The following BBX variants were observed in gnomAD, a reference collection of about 807,000 sequenced individuals.
BBX encodes HMG box transcription factor BBX.
Under a neutral mutation model 100.2 loss-of-function variants are expected in BBX, and 30 were observed. The observed-to-expected ratio is 0.30, with a 90% CI of 0.22 to 0.41. BBX has a LOEUF of 0.41. Ranked by LOEUF, BBX falls within the 10% of genes least tolerant of loss-of-function variation. The pLI is 1.00. For missense variants in BBX, 1,023 were observed against 1,129.8 expected, an observed-to-expected ratio of 0.91 and a Z score of 1.35; for synonymous variants, 376 against 388.1, an observed-to-expected ratio of 0.97 and a Z score of 0.37.
intron 2 of BBX, among the ~76,000 whole-genome samples, chr3:107,565,261 G>C (rs566242160): frequency 3.3e-5 from 5 of 151,008 alleles, no homozygotes; most frequent in African/African-American, 1.2e-4. Flanking sequence ...AATCGTAAAA[G>C]TTGTGTCAGC....
rs759895170 is a variant in BBX, at chr3:107,710,641, A to T, written c.162+19A>T. The T allele has an allele frequency of 6.4e-7, 1 of 1,569,604 alleles. No individual in the cohort carries two copies. Among genetic ancestry groups the T allele is most frequent in the South Asian group, 1.2e-5 (1 of 83,930 alleles). ...TGATAAGGTAAGTCCTATATTTACC[A>T]TAGAAGTTTCAAGTTTATTAGAGCA... On this transcript the variant is annotated intron_variant, in intron 4 of 17. Transcript: ENST00000325805.
chr3:107,532,296 G>A lies in BBX; in HGVS notation c.-84+5898G>A, dbSNP rs554338753. Reference sequence around the variant, plus strand: ...ATAAATTATGCTGTGAGTTTTATAGGTAGTTCACAGTGTGATAAAGCCACT... The same window carrying A: ...ATAAATTATGCTGTGAGTTTTATAGATAGTTCACAGTGTGATAAAGCCACT... On this transcript the variant is annotated intron_variant, in intron 2 of 17. Transcript: ENST00000325805. Among the ~76,000 whole-genome samples the A allele has an allele frequency of 1.1e-4, 16 of 152,238 alleles. No homozygotes were observed. In the South Asian group the frequency reaches 3.1e-3, roughly 30 times the overall value.
intron 3 of BBX, among the ~76,000 whole-genome samples, chr3:107,692,053 A>C (rs549061912): frequency 5.3e-5 from 8 of 152,248 alleles, no homozygotes; most frequent in Non-Finnish European, 8.8e-5. Context: ...CTAAGGAAAA[A>C]GATTTCCAAT....
intron 2 of BBX, among the ~76,000 whole-genome samples, chr3:107,560,927 A>G (rs2050447042): frequency 6.6e-6 from 1 of 152,228 alleles, no homozygotes; most frequent in South Asian, 2.1e-4. Context: ...GGATCTTCCT[A>G]TTGCAAGTGT....
In BBX at chr3:107,788,097, C is replaced by T. The variant is rs919911445; in HGVS notation, c.2204-1690C>T. Among the ~76,000 whole-genome samples, 8 of 152,280 alleles carry T rather than the reference C, an allele frequency of 5.3e-5. No individual in the cohort carries two copies. In the South Asian group the frequency reaches 1.5e-3, roughly 28 times the overall value. Reference sequence around the variant, plus strand: ...GGGTGATGCATTTTTGAGTCTTCAACCTATAGCTGGTATTTATTTTATTTT... The same window carrying T: ...GGGTGATGCATTTTTGAGTCTTCAATCTATAGCTGGTATTTATTTTATTTT... On this transcript the variant is annotated intron_variant, in intron 13 of 17. Coordinates refer to ENST00000325805, the MANE Select transcript of BBX (RefSeq NM_001142568.3).
intron 2 of BBX, among the ~76,000 whole-genome samples, chr3:107,550,222 G>A (rs2107418501): frequency 6.6e-6 from 1 of 152,166 alleles, no homozygotes; most frequent in South Asian, 2.1e-4. Flanking sequence ...AACACAAGGG[G>A]AATAATCTAG....
intron 3 of BBX, among the ~76,000 whole-genome samples, chr3:107,663,422 C>T (rs2058566776): frequency 6.6e-6 from 1 of 151,978 alleles, no homozygotes; most frequent in African/African-American, 2.4e-5. Flanking sequence ...GAGAACCTAC[C>T]ACTAGTTTAA....
intron 12 of BBX, 77 bp downstream of exon 12, chr3:107,774,934 C>A: frequency 6.6e-7 from 1 of 1,523,962 alleles, no homozygotes; most frequent in African/African-American, 1.4e-5. Flanking sequence ...AAACAGATCA[C>A]TAACTACGCA....
chr3:107,537,333 G>T (rs143355508), intron 2 of BBX, among the ~76,000 whole-genome samples: 1 of 152,118 alleles, frequency 6.6e-6, no homozygotes, highest in South Asian at 2.1e-4. Context: ...TGTTAAAAGC[G>T]CACTTAATAG....
chr3:107,619,568 G>GT (rs1270292647), intron 2 of BBX, among the ~76,000 whole-genome samples: 1 of 151,742 alleles, frequency 6.6e-6, no homozygotes, highest in Non-Finnish European at 1.5e-5. Flanking sequence ...TGAATATCAG[G>GT]TTTTTTCTTT....
intron 3 of BBX, among the ~76,000 whole-genome samples, chr3:107,655,773 T>TCACTGCAAGCTCC (rs1430639369): frequency 6.6e-6 from 1 of 151,756 alleles, no homozygotes; most frequent in Non-Finnish European, 1.5e-5. Context: ...CAATCTCAGC[T>TCACTGCAAGCTCC]CACTGCAAGC....
At chr3:107,693,244 G>C (rs895380175) in intron 3 of BBX, among the ~76,000 whole-genome samples, 1 of 151,710 alleles carries the variant, frequency 6.6e-6, no homozygotes, top group African/African-American at 2.4e-5. Context: ...TGCCATTGCT[G>C]TTGGTGTTTT....
At chr3:107,579,684 C>G (rs972381181) in intron 2 of BBX, among the ~76,000 whole-genome samples, 5 of 152,222 alleles carry the variant, frequency 3.3e-5, no homozygotes, top group Non-Finnish European at 7.3e-5. Flanking sequence ...GAGGGAGCCT[C>G]TTTTATTACC....
chr3:107,783,059 G>A (rs1183121762), intron 13 of BBX, among the ~76,000 whole-genome samples: 1 of 152,032 alleles, frequency 6.6e-6, no homozygotes, highest in African/African-American at 2.4e-5. Context: ...AGGAAAAGAT[G>A]TAATAGTAAA....
chr3:107,565,706 G>A (rs1202233630), intron 2 of BBX, among the ~76,000 whole-genome samples: 1 of 150,856 alleles, frequency 6.6e-6, no homozygotes, highest in Non-Finnish European at 1.5e-5. Flanking sequence ...CTGCCCTCGT[G>A]ATCCACTGGG....
At chr3:107,599,481 AGT>A (rs1450678295) in intron 2 of BBX, 1 of 152,096 alleles carries the variant, frequency 6.6e-6, no homozygotes, top group Non-Finnish European at 1.5e-5. Flanking sequence ...TTAAAAAAAA[AGT>A]GGGGGCAGGC....
chr3:107,798,257 C>A (rs913982937), intron 15 of BBX, among the ~76,000 whole-genome samples: 4 of 152,162 alleles, frequency 2.6e-5, no homozygotes, highest in African/African-American at 9.7e-5. Context: ...ATCGTCCCCA[C>A]CAACGTGCAA....
chr3:107,605,793 G>A (rs2054392273), intron 2 of BBX, among the ~76,000 whole-genome samples: 1 of 152,148 alleles, frequency 6.6e-6, no homozygotes, highest in Non-Finnish European at 1.5e-5. Context: ...CTTAGCCAGG[G>A]TACTTAGTAC....
intron 3 of BBX, among the ~76,000 whole-genome samples, chr3:107,687,255 T>C (rs987219357): frequency 4.6e-5 from 7 of 151,880 alleles, no homozygotes; most frequent in Non-Finnish European, 8.8e-5. Context: ...TTGCATAAAC[T>C]GGGAAAAACA....
Sources: allele counts gnomAD v4.1 joint callset (sites outside exome capture counted in the v4.1 genomes callset), GRCh38; gene constraint gnomAD v4.1.1; transcripts MANE v1.5; gene names NCBI Gene and HGNC (gene_info 2026-07-23, HGNC 2026-07-21).